KLHL42: variants seen among roughly 807,000 people sequenced by gnomAD.
The protein encoded by KLHL42 is kelch-like protein 42.
KLHL42 carries 27 observed loss-of-function variants against 32.7 expected under a neutral mutation model. The ratio of observed to expected loss-of-function variants is 0.83; its 90% CI spans 0.61 to 1.14. The LOEUF is 1.14. Ranked by LOEUF, KLHL42 falls within the 50% of genes most tolerant of loss-of-function variation. KLHL42 has a pLI of 0.00. For missense variants in KLHL42, 491 were observed against 560.8 expected (o/e 0.88, Z 1.26); for synonymous variants, 267 against 248.2 (o/e 1.08, Z -0.71).
chr12:27,793,328 C>T (rs532389753), intron 2 of KLHL42, among the ~76,000 whole-genome samples: 5 of 151,934 alleles, frequency 3.3e-5, no homozygotes, highest in Non-Finnish European at 7.4e-5. Context: ...TCACTTGAGC[C>T]TGGGTGTTCA....
rs2140825653 is a variant in KLHL42 at position 27,799,118 on chromosome 12, CTAATT to C, written c.*957_*961del. The C allele has an allele frequency of 6.6e-6, 1 of 152,596 alleles. No homozygotes were observed. Among genetic ancestry groups the C allele is most frequent in the Admixed American group, 6.5e-5 (1 of 15,292 alleles). 9.5% of individuals were successfully genotyped at this position (152,596 alleles called of 1,614,324 possible). On this transcript the variant is annotated 3_prime_UTR_variant, in exon 3 of 3. Transcript: ENST00000381271. ...TTGTCATATTTAAGTCGGCAGCTTT[CTAATT>C]TAATCTTAGCTTTGTAATTCATGTT...
rs771905232 is a variant in KLHL42, at chr12:27,800,708, C to CAA, written c.*2554_*2555dup. 32 of 137,018 alleles carry CAA rather than the reference C, an allele frequency of 2.3e-4. 1 individual carries two copies. Among genetic ancestry groups the CAA allele is most frequent in the Admixed American group, 6.6e-4 (9 of 13,602 alleles). The allele number at this position is 137,018 out of a possible 1,614,324, so 8.5% of individuals were successfully genotyped here. ...GGGCGACAGTGCAAGACTCTGTCTC[C>CAA]AAAAAAAAAAAAAGAAAAAAGAAAA... On this transcript the variant is annotated 3_prime_UTR_variant, in exon 3 of 3. Transcript: ENST00000381271.
rs973376334 is a variant in KLHL42, at chr12:27,802,304, A to C, written c.*4138A>C. ...TGAAAAGGAGGAGTGAAGCTGGGGAAGTTAGTATCTAAGAGGGGCAAGCTG... is the reference window on the plus strand; with the variant it reads ...TGAAAAGGAGGAGTGAAGCTGGGGACGTTAGTATCTAAGAGGGGCAAGCTG... On this transcript the variant is annotated 3_prime_UTR_variant, in exon 3 of 3. Coordinates refer to ENST00000381271, the MANE Select transcript of KLHL42 (RefSeq NM_020782.2). 1 of 152,228 alleles carries C rather than the reference A, an allele frequency of 6.6e-6. No individual in the cohort carries two copies. The highest frequency in any genetic ancestry group is 1.5e-5 in the Non-Finnish European group (1 of 68,034). 9.4% of individuals were successfully genotyped at this position (152,228 alleles called of 1,614,324 possible).
intron 1 of KLHL42, 106 bp from the exon 2 acceptor site, chr12:27,791,602 G>A (rs931253004): frequency 1.5e-5 from 15 of 997,310 alleles, no homozygotes; most frequent in Non-Finnish European, 2.3e-5. Context: ...AACTGGGAGA[G>A]CGAATTTTCT....
Position 27,800,217 on chromosome 12 carries a change from A to G in KLHL42, c.*2051A>G. The stretch of plus-strand genomic sequence containing the variant: ...AATACAATATTCCAGCCAACCAGTT[A>G]ATTCTCTTCCTGGTTACATTCATTG... On this transcript the variant is annotated 3_prime_UTR_variant, in exon 3 of 3. Transcript: ENST00000381271. 1.0e-6 allele frequency: 1 copy of G among 985,384 alleles called. No individual in the cohort carries two copies. The highest frequency in any genetic ancestry group is 1.2e-6 in the Non-Finnish European group (1 of 829,916). The allele number at this position is 985,384 out of a possible 1,614,324, so 61.0% of individuals were successfully genotyped here. A position where few individuals can be genotyped will look rare whatever the true frequency, so the allele number is the denominator to read the frequency against.
intron 2 of KLHL42, among the ~76,000 whole-genome samples, chr12:27,795,945 A>G (rs996519485): frequency 2.0e-5 from 3 of 152,224 alleles, no homozygotes; most frequent in Admixed American, 2.0e-4. Context: ...GCTGAGAAAT[A>G]CGTGGAAGCC....
rs2062230072 is a variant in KLHL42, at chr12:27,798,499, T to C, written c.*333T>C. ...GGCCAAAGTCAATAATTGGGACAAATGGTAAAGATGATTTTAAAATCTGTT... is the reference window on the plus strand; with the variant it reads ...GGCCAAAGTCAATAATTGGGACAAACGGTAAAGATGATTTTAAAATCTGTT... On this transcript the variant is annotated 3_prime_UTR_variant, in exon 3 of 3. Transcript: ENST00000381271. The C allele has an allele frequency of 4.0e-6, 1 of 252,116 alleles. No homozygotes were observed. Among genetic ancestry groups the C allele is most frequent in the African/African-American group, 2.3e-5 (1 of 43,828 alleles). 15.6% of individuals were successfully genotyped at this position (252,116 alleles called of 1,614,324 possible).
intron 2 of KLHL42, chr12:27,797,416 A>G (rs2062223891): frequency 3.8e-6 from 2 of 525,862 alleles, no homozygotes; most frequent in Non-Finnish European, 7.3e-6. Flanking sequence ...TGGTGGTTCA[A>G]AGGTGTGGGG....
At position 27,801,656 on chromosome 12, in the gene KLHL42, T is replaced by C. The variant is rs2062248022; in HGVS notation, c.*3490T>C. 1 of 152,244 alleles carries C rather than the reference T, an allele frequency of 6.6e-6. No homozygotes were observed. Among genetic ancestry groups the C allele is most frequent in the Admixed American group, 6.5e-5 (1 of 15,284 alleles). The allele number at this position is 152,244 out of a possible 1,614,324, so 9.4% of individuals were successfully genotyped here. A position where few individuals can be genotyped will look rare whatever the true frequency, so the allele number is the denominator to read the frequency against. On this transcript the variant is annotated 3_prime_UTR_variant, in exon 3 of 3. Transcript: ENST00000381271. ...TGTCCTCTGTGCCAGGATTTGGTCT[T>C]AGAATCCATGTCAGATTGGTGCTTC...
rs1591818792 is a variant in KLHL42, at chr12:27,802,907, T to C, written c.*4741T>C. ...GTTGTATTAAGTCTTCAATTTCAAG[T>C]CTAGCTTAAAAGTGTAAACATTATG... On this transcript the variant is annotated 3_prime_UTR_variant, in exon 3 of 3. Coordinates refer to ENST00000381271, the MANE Select transcript of KLHL42 (RefSeq NM_020782.2). 6.6e-6 allele frequency: 1 copy of C among 152,266 alleles called. No individual in the cohort carries two copies. Among genetic ancestry groups the C allele is most frequent in the Non-Finnish European group, 1.5e-5 (1 of 68,048 alleles). The allele number at this position is 152,266 out of a possible 1,614,324, so 9.4% of individuals were successfully genotyped here. A position where few individuals can be genotyped will look rare whatever the true frequency, so the allele number is the denominator to read the frequency against.
intron 1 of KLHL42, among the ~76,000 whole-genome samples, chr12:27,786,052 G>C (rs139889163): frequency 6.6e-6 from 1 of 152,160 alleles, no homozygotes; most frequent in Non-Finnish European, 1.5e-5. Flanking sequence ...CTGTTAGGCA[G>C]GTTCCCATTC....
At chr12:27,797,349 G>T (rs1472657071) in intron 2 of KLHL42, 1 of 467,760 alleles carries the variant, frequency 2.1e-6, no homozygotes, top group Non-Finnish European at 4.3e-6. Flanking sequence ...TTAAGTAGTC[G>T]GTAATTTTGT....
In KLHL42 at chr12:27,800,442, C is replaced by T. The variant is rs1372761312; in HGVS notation, c.*2276C>T. The T allele has an allele frequency of 6.6e-6, 6 of 904,242 alleles. No individual in the cohort carries two copies. The African/African-American group carries it at 1.1e-4, about 16-fold the overall frequency. 56.0% of individuals were successfully genotyped at this position (904,242 alleles called of 1,614,324 possible). A position where few individuals can be genotyped will look rare whatever the true frequency, so the allele number is the denominator to read the frequency against. ...GATTTTGGTTATTCTGGGCTGCCAGCAGTACGTGGGAAAGGTGGAATGTGC... is the reference window on the plus strand; with the variant it reads ...GATTTTGGTTATTCTGGGCTGCCAGTAGTACGTGGGAAAGGTGGAATGTGC... On this transcript the variant is annotated 3_prime_UTR_variant, in exon 3 of 3. Coordinates refer to ENST00000381271, the MANE Select transcript of KLHL42 (RefSeq NM_020782.2).
Position 27,801,352 on chromosome 12 carries a change from A to G in KLHL42, c.*3186A>G, listed in dbSNP as rs982304735. The G allele has an allele frequency of 6.6e-6, 1 of 152,196 alleles. No homozygotes were observed. Among genetic ancestry groups the G allele is most frequent in the Non-Finnish European group, 1.5e-5 (1 of 68,044 alleles). 9.4% of individuals were successfully genotyped at this position (152,196 alleles called of 1,614,324 possible). ...GTTCTCTTTCAATGGACTGTTGCCT[A>G]TTGAGCATTGTGGATGATGTGTTTT... On this transcript the variant is annotated 3_prime_UTR_variant, in exon 3 of 3. Transcript: ENST00000381271.
rs1327346273 is a variant in KLHL42, at chr12:27,799,624, G to A, written c.*1458G>A. On this transcript the variant is annotated 3_prime_UTR_variant, in exon 3 of 3. Transcript: ENST00000381271. Reference sequence around the variant, plus strand: ...GTGCCTGGAGTATGCCGTCCACTGTGCAGATGTAGGACAGGGGCTAATCAC... The same window carrying A: ...GTGCCTGGAGTATGCCGTCCACTGTACAGATGTAGGACAGGGGCTAATCAC... The A allele has an allele frequency of 6.6e-6, 1 of 152,508 alleles. No individual in the cohort carries two copies. The highest frequency in any genetic ancestry group is 1.5e-5 in the Non-Finnish European group (1 of 68,026). The allele number at this position is 152,508 out of a possible 1,614,324, so 9.4% of individuals were successfully genotyped here.
intron 2 of KLHL42, among the ~76,000 whole-genome samples, chr12:27,794,067 C>A (rs2140821420): frequency 6.6e-6 from 1 of 152,312 alleles, no homozygotes; most frequent in African/African-American, 2.4e-5. Flanking sequence ...TGATTTATTT[C>A]TTTTTAGAAT....
intron 1 of KLHL42, among the ~76,000 whole-genome samples, chr12:27,783,492 C>T (rs1022741900): frequency 2.6e-5 from 4 of 152,144 alleles, no homozygotes; most frequent in African/African-American, 9.7e-5. Context: ...CTAGGTTGTA[C>T]TAATTATTAT....
chr12:27,798,306 G>T lies in KLHL42; in HGVS notation c.*140G>T. ...TATATACAGTAGCAGCTGTAAATAA[G>T]CTTACTTGAACTAATTACTTGAAAA... On this transcript the variant is annotated 3_prime_UTR_variant, in exon 3 of 3. Coordinates refer to ENST00000381271, the MANE Select transcript of KLHL42 (RefSeq NM_020782.2). 1.7e-6 allele frequency: 1 copy of T among 584,846 alleles called. No homozygotes were observed. Among genetic ancestry groups the T allele is most frequent in the Non-Finnish European group, 3.0e-6 (1 of 328,790 alleles). The allele number at this position is 584,846 out of a possible 1,614,324, so 36.2% of individuals were successfully genotyped here.
At chr12:27,784,130 T>G (rs1565481774) in intron 1 of KLHL42, among the ~76,000 whole-genome samples, 1 of 146,864 alleles carries the variant, frequency 6.8e-6, no homozygotes, top group Non-Finnish European at 1.5e-5. Flanking sequence ...GTTTTTTTTT[T>G]TTGTTTTTGT....
Sources: allele counts gnomAD v4.1 joint callset (sites outside exome capture counted in the v4.1 genomes callset), GRCh38; gene constraint gnomAD v4.1.1; transcripts MANE v1.5; gene names NCBI Gene and HGNC (gene_info 2026-07-23, HGNC 2026-07-21).